The following RGL1 variants were observed in gnomAD, a reference collection of about 807,000 sequenced individuals.
RGL1 encodes ral guanine nucleotide dissociation stimulator like 1, also known as ral guanine nucleotide dissociation stimulator-like 1.
Under a neutral mutation model 95.2 loss-of-function variants are expected in RGL1, and 24 were observed. The ratio of observed to expected loss-of-function variants is 0.25; its 90% confidence interval spans 0.18 to 0.35. RGL1 has a LOEUF of 0.35. Among genes scored for constraint, RGL1 ranks in the 10% least tolerant of loss-of-function variants. The pLI is 1.00. For synonymous variants in RGL1, 329 were observed against 344.9 expected (o/e 0.95, Z 0.51); for missense variants, 715 against 936.3 (o/e 0.76, Z 3.08).
At chr1:183,902,873 A>G (rs1487667239) in intron 12 of RGL1, among the ~76,000 whole-genome samples, 3 of 152,164 alleles carry the variant, frequency 2.0e-5, no homozygotes, top group Non-Finnish European at 2.9e-5. Context: ...CAGGGTTCTC[A>G]TCCTGTCCTG....
chr1:183,742,997 A>C (rs1657404606), intron 2 of RGL1, among the ~76,000 whole-genome samples: 1 of 152,058 alleles, frequency 6.6e-6, no homozygotes, highest in Non-Finnish European at 1.5e-5. Flanking sequence ...AATAAAATTA[A>C]AGCTAGAGGT....
chr1:183,907,153 T>C (rs16861715), intron 14 of RGL1, 52 bp downstream of exon 14: 307,750 of 1,037,642 alleles, frequency 0.3, 46,247 homozygotes, highest in East Asian at 0.47. Context: ...ATCAGAGTCG[T>C]GAGAGGAGAT....
At chr1:183,806,266 A>G (rs892026066) in intron 1 of RGL1, 109 bp from the exon 2 acceptor site, 6 of 725,864 alleles carry the variant, frequency 8.3e-6, no homozygotes, top group African/African-American at 5.3e-5. Context: ...TGAACAGCCC[A>G]TCTTGTGCCC....
chr1:183,920,061 G>A (rs1388207256), intron 16 of RGL1, among the ~76,000 whole-genome samples: 1 of 151,384 alleles, frequency 6.6e-6, no homozygotes, highest in East Asian at 1.9e-4. Flanking sequence ...TTGAGGCAGA[G>A]TCTTGCACTG....
intron 1 of RGL1, among the ~76,000 whole-genome samples, chr1:183,712,494 A>C (rs1655343913): frequency 6.6e-6 from 1 of 152,146 alleles, no homozygotes; most frequent in Non-Finnish European, 1.5e-5. Flanking sequence ...AGAGAGAGAG[A>C]GAGTGTGTGT....
At chr1:183,749,605 G>T (rs1657868267) in intron 2 of RGL1, among the ~76,000 whole-genome samples, 1 of 152,200 alleles carries the variant, frequency 6.6e-6, no homozygotes, top group Non-Finnish European at 1.5e-5. Flanking sequence ...CTGTCGTCAT[G>T]ATGCTAGCTG....
intron 1 of RGL1, among the ~76,000 whole-genome samples, chr1:183,700,557 T>G (rs984674654): frequency 1.3e-5 from 2 of 151,656 alleles, no homozygotes; most frequent in Non-Finnish European, 2.9e-5. Flanking sequence ...AGGTTTGTTT[T>G]TTTTTTTTGG....
chr1:183,812,855 G>A (rs981378659), intron 2 of RGL1, among the ~76,000 whole-genome samples: 2 of 152,336 alleles, frequency 1.3e-5, no homozygotes, highest in African/African-American at 4.8e-5. Flanking sequence ...TCAGCCTGGG[G>A]AAGAGATAAG....
chr1:183,806,582 TCCTC>T, intron 2 of RGL1, 97 bp downstream of exon 2: 2 of 804,446 alleles, frequency 2.5e-6, no homozygotes, highest in Non-Finnish European at 4.0e-6. Context: ...TTTTTTTTTT[TCCTC>T]TTTTCGCTTT....
At chr1:183,746,371 AAC>A (rs1477195710) in intron 2 of RGL1, among the ~76,000 whole-genome samples, 9 of 152,046 alleles carry the variant, frequency 5.9e-5, no homozygotes, top group Admixed American at 1.3e-4. Context: ...TGTATATATA[AAC>A]ACATATATAT....
chr1:183,805,361 T>TG lies in RGL1; in HGVS notation c.27+39dup, dbSNP rs752121020. The stretch of plus-strand genomic sequence containing the variant: ...TCTCTGCCTTCTCCCGAGGCTTCTC[T>TG]GGTGGGGAATCTTCTCCCGCTTTCG... On this transcript the variant is annotated intron_variant, in intron 1 of 17. Coordinates refer to ENST00000360851, the MANE Select transcript of RGL1 (RefSeq NM_001297671.3). The TG allele has an allele frequency of 5.1e-6, 8 of 1,571,224 alleles. No homozygotes were observed. The South Asian group carries it at 9.0e-5, about 18-fold the overall frequency.
intron 2 of RGL1, among the ~76,000 whole-genome samples, chr1:183,799,280 G>A (rs541485567): frequency 3.7e-4 from 56 of 152,130 alleles, no homozygotes; most frequent in Non-Finnish European, 5.6e-4. Flanking sequence ...ATATGGGAGC[G>A]CAGGTATCTC....
chr1:183,822,907 C>T (rs1334643822), intron 2 of RGL1, among the ~76,000 whole-genome samples: 2 of 152,160 alleles, frequency 1.3e-5, no homozygotes, highest in Non-Finnish European at 2.9e-5. Flanking sequence ...GTTTTAGGGT[C>T]TTTTCTCTTG....
chr1:183,868,682 G>A (rs1166523655), intron 4 of RGL1, among the ~76,000 whole-genome samples: 1 of 152,208 alleles, frequency 6.6e-6, no homozygotes, highest in Non-Finnish European at 1.5e-5. Context: ...GAGAGATACT[G>A]TAAGAATTGA....
intron 2 of RGL1, among the ~76,000 whole-genome samples, chr1:183,774,927 G>A (rs964094923): frequency 6.6e-6 from 1 of 151,990 alleles, no homozygotes; most frequent in African/African-American, 2.4e-5. Context: ...TTCTCAGAAG[G>A]TATCAAATAA....
chr1:183,636,478 C>T (rs1314544313), exon 1 of RGL1: 2 of 280,346 alleles, frequency 7.1e-6, no homozygotes, highest in East Asian at 1.2e-4. Flanking sequence ...AGCATCGCAA[C>T]GGGATCTGCA....
chr1:183,860,973 T>C (rs1665479255), intron 3 of RGL1, among the ~76,000 whole-genome samples: 1 of 152,158 alleles, frequency 6.6e-6, no homozygotes. Context: ...AGAGGCTGGT[T>C]GCTGAACGCT....
chr1:183,907,355 C>A (rs12098028), intron 14 of RGL1, among the ~76,000 whole-genome samples: 45,209 of 151,858 alleles, frequency 0.3, 6,938 homozygotes, highest in East Asian at 0.49. Context: ...CTTCTGGCTG[C>A]CCCTTACCCA....
intron 2 of RGL1, among the ~76,000 whole-genome samples, chr1:183,844,891 A>G (rs1019235993): frequency 6.6e-6 from 1 of 152,224 alleles, no homozygotes; most frequent in African/African-American, 2.4e-5. Context: ...CATCTACCAC[A>G]TAAGCTGGAG....
Sources: gnomAD v4.1 joint callset for allele counts (sites outside exome capture counted in the v4.1 genomes callset) on GRCh38, gnomAD v4.1.1 for gene constraint, MANE v1.5 for transcripts, NCBI Gene and HGNC (gene_info 2026-07-23, HGNC 2026-07-21) for gene names.